Variants in DYNC1H1 observed in about 807,000 individuals in gnomAD.
DYNC1H1 encodes cytoplasmic dynein 1 heavy chain 1.
In DYNC1H1, 51 loss-of-function variants were observed where a neutral mutation model predicts 527.1. That is an observed-to-expected ratio of 0.10 (90% CI 0.08 to 0.12). The LOEUF is 0.12. Ranked by LOEUF, DYNC1H1 falls within the 10% of genes least tolerant of loss-of-function variation. The pLI is 1.00. For synonymous variants in DYNC1H1, 2,189 were observed against 2,278.8 expected (o/e 0.96, Z 1.12); for missense variants, 2,771 against 5,971.8 (o/e 0.46, Z 17.66).
rs1054534257 is a variant in DYNC1H1, at chr14:102,033,554, G to A, written c.10413+70G>A. 2.5e-5 allele frequency: 40 copies of A among 1,577,276 alleles called. No individual in the cohort carries two copies. Among genetic ancestry groups the A allele is most frequent in the African/African-American group, 1.1e-4 (8 of 74,066 alleles). On this transcript the variant is annotated intron_variant, in intron 54 of 77. Transcript: ENST00000360184. The surrounding 1 kb of genome is among the most constrained non-coding windows in gnomAD (Gnocchi z 5.6). Reference sequence around the variant, plus strand: ...CAGAGATTAACACACTTCAACATGCGCTGCATGCACCATGCTGGCCTCGGT... The same window carrying A: ...CAGAGATTAACACACTTCAACATGCACTGCATGCACCATGCTGGCCTCGGT...
In DYNC1H1 at chr14:102,027,069, G is replaced by T. The variant is rs74824044; in HGVS notation, c.8772-105G>T. On this transcript the variant is annotated intron_variant, in intron 44 of 77. Coordinates refer to ENST00000360184, the MANE Select transcript of DYNC1H1 (RefSeq NM_001376.5). The surrounding 1 kb of genome is among the most constrained non-coding windows in gnomAD (Gnocchi z 7.7). ...TGCTCAGCAAATGTTTAATATACAA[G>T]TTCAAGTTAAAACATGTCCAAAATA... The T allele has an allele frequency of 6.1e-4, 796 of 1,305,912 alleles. 1 individual carries two copies. The African/African-American group carries it at 0.011, about 18-fold the overall frequency. 80.9% of individuals were successfully genotyped at this position (1,305,912 alleles called of 1,614,324 possible).
At chr14:101,982,333 C>T (rs779259013) in intron 5 of DYNC1H1, among the ~76,000 whole-genome samples, 1 of 152,118 alleles carries the variant, frequency 6.6e-6, no homozygotes, top group Non-Finnish European at 1.5e-5. Flanking sequence ...GTGGCTCACA[C>T]CTGTAATCCT....
chr14:101,981,101 G>T (rs2047858801), intron 5 of DYNC1H1, among the ~76,000 whole-genome samples: 1 of 151,860 alleles, frequency 6.6e-6, no homozygotes, highest in African/African-American at 2.4e-5. Context: ...GTTTTGTTTT[G>T]TTTTTTTCTT....
At chr14:101,994,145 T>C in intron 11 of DYNC1H1, 39 bp from the exon 12 acceptor site, 1 of 1,614,134 alleles carries the variant, frequency 6.2e-7, no homozygotes, top group South Asian at 1.1e-5. Context: ...ACCATTTTCA[T>C]ATACACTGCT....
At chr14:101,968,817 C>G (rs1023412564) in intron 1 of DYNC1H1, among the ~76,000 whole-genome samples, 1 of 152,218 alleles carries the variant, frequency 6.6e-6, no homozygotes, top group East Asian at 1.9e-4. Context: ...CTACCTCAGC[C>G]TCCCAAAGTG....
Position 101,985,995 on chromosome 14 carries a change from A to T in DYNC1H1, c.1770A>T (p.Ala590=). The T allele has an allele frequency of 6.2e-7, 1 of 1,614,188 alleles. No homozygotes were observed. The highest frequency in any genetic ancestry group is 8.5e-7 in the Non-Finnish European group (1 of 1,180,040). ...TTAGGATTTTCTCCAGGTTTAATGC[A>T]CTGTTTGTCAGGCCTCACATCCGTG... ...EMFRIFSRFN[A]LFVRPHIRGA... Residue 590 remains alanine (A), a synonymous_variant, in exon 8 of 78, where the codon GCA becomes GCT. Transcript: ENST00000360184. The surrounding 1 kb of genome is among the most constrained non-coding windows in gnomAD (Gnocchi z 5.9).
intron 29 of DYNC1H1, 34 bp from the exon 30 acceptor site, chr14:102,009,809 A>G (rs2048238642): frequency 6.2e-7 from 1 of 1,606,854 alleles, no homozygotes; most frequent in African/African-American, 1.4e-5. Context: ...TTTTTTTAAC[A>G]TTTCTAGTCT....
In DYNC1H1 at chr14:102,055,147, C is replaced by T. The variant is rs1376374463; in HGVS notation, c.*4584C>T. ...AAGCCCCCTCCTCTTCACTTCCACC[C>T]TCTCTCTTCCACCCCTGGAAGTCAG... On this transcript the variant is annotated 3_prime_UTR_variant, in exon 78 of 78. Transcript: ENST00000360184. 1 of 152,228 alleles carries T rather than the reference C, an allele frequency of 6.6e-6. No homozygotes were observed. Among genetic ancestry groups the T allele is most frequent in the Non-Finnish European group, 1.5e-5 (1 of 68,090 alleles). 9.4% of individuals were successfully genotyped at this position (152,228 alleles called of 1,614,324 possible).
At chr14:101,971,394 G>A (rs1472933625) in intron 1 of DYNC1H1, among the ~76,000 whole-genome samples, 2 of 151,696 alleles carry the variant, frequency 1.3e-5, no homozygotes, top group African/African-American at 4.8e-5. Context: ...TAGTTTTTAA[G>A]GTAATTGAAA....
intron 2 of DYNC1H1, 97 bp downstream of exon 2, chr14:101,975,896 G>T: frequency 1.5e-5 from 14 of 936,980 alleles, no homozygotes; most frequent in Non-Finnish European, 1.9e-5. Context: ...CTTACTAAGA[G>T]AATTAATATA....
In DYNC1H1 at chr14:101,983,408, T is replaced by G. The variant is rs1367292809; in HGVS notation, c.1260T>G (p.Phe420Leu). 22 of 1,614,084 alleles carry G rather than the reference T, an allele frequency of 1.4e-5. No individual in the cohort carries two copies. The highest frequency in any genetic ancestry group is 1.6e-5 in the Non-Finnish European group (19 of 1,180,050). ...TTATGGTAGCATGCTTTGAAGTTTTTCAGACTTGGGATGATGAGTATGAGA... is the reference window on the plus strand; with the variant it reads ...TTATGGTAGCATGCTTTGAAGTTTTGCAGACTTGGGATGATGAGTATGAGA... ...EKVMVACFEV[F>L]QTWDDEYEKL... Residue 420 changes from phenylalanine (F) to leucine (L), a missense_variant, in exon 7 of 78, where the codon TTT (phenylalanine) becomes TTG (leucine). By Grantham distance (22) the Phe-to-Leu change is conservative. This residue lies in a region of DYNC1H1 where 264 missense variants were observed against 619.4 expected (regional missense o/e 0.43). Coordinates refer to ENST00000360184, the MANE Select transcript of DYNC1H1 (RefSeq NM_001376.5). This position sits in a 1 kb window ranked among gnomAD's most constrained non-coding sequence, Gnocchi z 5.3.
At position 102,017,689 on chromosome 14, in the gene DYNC1H1, G is replaced by A. The variant is rs777685623; in HGVS notation, c.8177+185G>A. ...CATGTTAAAAATAAAAGCATTGGCC[G>A]GGCGCAGTGGCTTACGCCTATAATC... On this transcript the variant is annotated intron_variant, in intron 40 of 77. Coordinates refer to ENST00000360184, the MANE Select transcript of DYNC1H1 (RefSeq NM_001376.5). This position sits in a 1 kb window ranked among gnomAD's most constrained non-coding sequence, Gnocchi z 4.6. 3.7e-4 allele frequency: 430 copies of A among 1,173,660 alleles called. No homozygotes were observed. The highest frequency in any genetic ancestry group is 4.7e-4 in the Non-Finnish European group (390 of 830,944). 72.7% of individuals were successfully genotyped at this position (1,173,660 alleles called of 1,614,324 possible).
chr14:102,029,295 C>T lies in DYNC1H1; in HGVS notation c.9469-244C>T, dbSNP rs965891160. On this transcript the variant is annotated intron_variant, in intron 48 of 77. Coordinates refer to ENST00000360184, the MANE Select transcript of DYNC1H1 (RefSeq NM_001376.5). This position sits in a 1 kb window ranked among gnomAD's most constrained non-coding sequence, Gnocchi z 5.3. ...GTGATGCCTTTTCACATAAGTACAC[C>T]TCTAAAGTTGGTGTAATCACCATCC... The T allele has an allele frequency of 1.3e-5, 7 of 559,338 alleles. No individual in the cohort carries two copies. Among genetic ancestry groups the T allele is most frequent in the Non-Finnish European group, 2.2e-5 (7 of 312,574 alleles). The allele number at this position is 559,338 out of a possible 1,614,324, so 34.6% of individuals were successfully genotyped here.
Position 102,000,593 on chromosome 14 carries a change from A to G in DYNC1H1, c.4074+194A>G, listed in dbSNP as rs796613991. ...GAAACCTTTTTTTTTTTTTTTTTTG[A>G]GACGGAGTTTCGCTCTTGTTGCCCA... is the stretch of plus-strand genomic sequence containing the variant. On this transcript the variant is annotated intron_variant, in intron 18 of 77. Transcript: ENST00000360184. 858 of 434,710 alleles carry G rather than the reference A, an allele frequency of 2.0e-3. 13 individuals are homozygous for G. Among genetic ancestry groups the G allele is most frequent in the South Asian group, 0.018 (832 of 45,344 alleles). The allele number at this position is 434,710 out of a possible 1,614,324, so 26.9% of individuals were successfully genotyped here.
rs1254019586 is a variant in DYNC1H1, at chr14:102,049,269, T to C, written c.13373-171T>C. 7 of 849,682 alleles carry C rather than the reference T, an allele frequency of 8.2e-6. No individual in the cohort carries two copies. Among genetic ancestry groups the C allele is most frequent in the Non-Finnish European group, 1.3e-5 (7 of 531,362 alleles). 52.6% of individuals were successfully genotyped at this position (849,682 alleles called of 1,614,324 possible). A position where few individuals can be genotyped will look rare whatever the true frequency, so the allele number is the denominator to read the frequency against. Reference sequence around the variant, plus strand: ...CTGGACCAGCCTGAGCTAGAGCAGATGTGGTGAGGGCGGCGCCAGGGGCAT... The same window carrying C: ...CTGGACCAGCCTGAGCTAGAGCAGACGTGGTGAGGGCGGCGCCAGGGGCAT... On this transcript the variant is annotated intron_variant, in intron 74 of 77. Transcript: ENST00000360184. This position sits in a 1 kb window ranked among gnomAD's most constrained non-coding sequence, Gnocchi z 5.5.
At position 102,010,218 on chromosome 14, in the gene DYNC1H1, C is replaced by G. The variant is rs1429734883; in HGVS notation, c.6222-58C>G. ...CATCTCTGGTTTCTTGACACTTGAC[C>G]CTATTATTGCTTAAAGTATACTGTT... On this transcript the variant is annotated intron_variant, in intron 30 of 77. Transcript: ENST00000360184. The surrounding 1 kb of genome is among the most constrained non-coding windows in gnomAD (Gnocchi z 6.0). 7.4e-6 allele frequency: 12 copies of G among 1,612,592 alleles called. No homozygotes were observed. The highest frequency in any genetic ancestry group is 1.0e-5 in the Non-Finnish European group (12 of 1,179,586).
rs772761222 is a variant in DYNC1H1 at position 101,995,066 on chromosome 14, C to T, written c.3414C>T (p.Asn1138=). The change falls in exon 14 of 78, where the codon AAC becomes AAT. Residue 1138 remains asparagine (N), a synonymous_variant. Coordinates refer to ENST00000360184, the MANE Select transcript of DYNC1H1 (RefSeq NM_001376.5). ...AATTTGGGCAGATGCTAGGATCAAA[C>T]ATGACGGAATTCCATTCCCAGATCT... is the stretch of plus-strand genomic sequence containing the variant. ...LSKFGQMLGS[N]MTEFHSQISK... is the part of the protein sequence containing the mutation. The T allele has an allele frequency of 1.6e-5, 26 of 1,614,184 alleles. No homozygotes were observed. The highest frequency in any genetic ancestry group is 2.2e-5 in the Non-Finnish European group (26 of 1,180,040).
chr14:101,970,366 G>A (rs1206002392), intron 1 of DYNC1H1, among the ~76,000 whole-genome samples: 1 of 150,002 alleles, frequency 6.7e-6, no homozygotes, highest in Non-Finnish European at 1.5e-5. Context: ...AAGCGCCAGA[G>A]ACAAGAAAGG....
intron 17 of DYNC1H1, 69 bp from the exon 18 acceptor site, chr14:102,000,217 C>G: frequency 6.2e-7 from 1 of 1,614,088 alleles, no homozygotes; most frequent in South Asian, 1.1e-5. Flanking sequence ...TGTTCATCCT[C>G]AGGGCCCTGC....
Sources: gnomAD v4.1 joint callset for allele counts (sites outside exome capture counted in the v4.1 genomes callset) on GRCh38, gnomAD v4.1.1 for gene constraint, gnomAD v4.1.1 regional missense constraint, Gnocchi (gnomAD v3.1) non-coding constraint, MANE v1.5 for transcripts, NCBI Gene and HGNC (gene_info 2026-07-23, HGNC 2026-07-21) for gene names.